Variants in NCKAP5 observed in about 807,000 individuals in gnomAD.
NCKAP5 encodes nck-associated protein 5.
NCKAP5 carries 92 observed loss-of-function variants against 167.0 expected under a neutral mutation model. The ratio of observed to expected loss-of-function variants is 0.55; its 90% CI spans 0.47 to 0.66. The LOEUF (loss-of-function observed/expected upper bound fraction) is 0.66. Among genes scored for constraint, NCKAP5 ranks in the 30% least tolerant of loss-of-function variants. The pLI, the probability that NCKAP5 is intolerant of heterozygous loss-of-function variation, is 0.00. For missense variants in NCKAP5, 2,378 were observed against 2,315.0 expected (o/e 1.03, Z -0.56); for synonymous variants, 891 against 877.4 (o/e 1.02, Z -0.27).
intron 10 of NCKAP5, among the ~76,000 whole-genome samples, chr2:132,863,091 A>G (rs1690059797): frequency 1.3e-5 from 2 of 152,114 alleles, no homozygotes; most frequent in African/African-American, 4.8e-5. Flanking sequence ...AAGTGCTGGG[A>G]TTACAGGCAT....
At chr2:132,781,691 C>A (rs1411080026) in intron 14 of NCKAP5, among the ~76,000 whole-genome samples, 2 of 152,194 alleles carry the variant, frequency 1.3e-5, no homozygotes, top group African/African-American at 2.4e-5. Flanking sequence ...CCTGATAAAA[C>A]TTACCATTCT....
intron 11 of NCKAP5, among the ~76,000 whole-genome samples, chr2:132,841,257 C>A (rs1447555): frequency 0.15 from 22,213 of 151,982 alleles, 1,879 homozygotes; most frequent in Middle Eastern, 0.28. Context: ...TACCATGTGG[C>A]TAAATTTATT....
intron 2 of NCKAP5, among the ~76,000 whole-genome samples, chr2:133,547,057 C>T (rs1686762206): frequency 6.6e-6 from 1 of 152,206 alleles, no homozygotes; most frequent in East Asian, 1.9e-4. Context: ...GAGGCATTGC[C>T]TCACTTGGGA....
At chr2:132,987,454 C>G (rs954678459) in intron 7 of NCKAP5, among the ~76,000 whole-genome samples, 1 of 152,206 alleles carries the variant, frequency 6.6e-6, no homozygotes, top group Non-Finnish European at 1.5e-5. Flanking sequence ...GGTCTCTTTC[C>G]CCATGCTTAA....
At chr2:133,618,484 A>C in the NCKAP5 span, among the ~76,000 whole-genome samples, 1 of 149,616 alleles carries the variant, frequency 6.7e-6, no homozygotes, top group Non-Finnish European at 1.5e-5. Flanking sequence ...CCCATCAAAA[A>C]GTGGGCGAAG....
At chr2:133,050,801 G>T (rs760794520) in intron 6 of NCKAP5, among the ~76,000 whole-genome samples, 1 of 152,248 alleles carries the variant, frequency 6.6e-6, no homozygotes, top group Non-Finnish European at 1.5e-5. Context: ...CTGAATAAAA[G>T]GTCACTTACT....
intron 19 of NCKAP5, among the ~76,000 whole-genome samples, chr2:132,700,604 T>C (rs976188078): frequency 2.6e-5 from 4 of 152,206 alleles, no homozygotes; most frequent in African/African-American, 7.2e-5. Context: ...TTTCTTGTTT[T>C]TGTCAGGTTT....
chr2:133,492,143 T>TTG (rs780998843), intron 3 of NCKAP5, among the ~76,000 whole-genome samples: 3 of 84,452 alleles, frequency 3.6e-5, no homozygotes, highest in African/African-American at 6.4e-5. Context: ...CATATCTAGT[T>TTG]AGTGTGTGTG....
At chr2:133,225,307 G>T (rs1401734894) in intron 4 of NCKAP5, among the ~76,000 whole-genome samples, 3 of 152,172 alleles carry the variant, frequency 2.0e-5, no homozygotes, top group Non-Finnish European at 4.4e-5. Context: ...TGGGGAAAGG[G>T]GGTGACGATA....
chr2:133,132,161 G>A (rs1248863689), intron 5 of NCKAP5, among the ~76,000 whole-genome samples: 4 of 151,796 alleles, frequency 2.6e-5, no homozygotes, highest in Non-Finnish European at 5.9e-5. Context: ...GTTGGCGGGT[G>A]CCTATAATGC....
intron 15 of NCKAP5, among the ~76,000 whole-genome samples, chr2:132,776,903 A>T (rs1448267031): frequency 6.6e-6 from 1 of 152,186 alleles, no homozygotes; most frequent in Non-Finnish European, 1.5e-5. Flanking sequence ...AATAGGCACA[A>T]GTGGGACAGT....
chr2:133,397,109 A>G (rs1222924184), intron 3 of NCKAP5, among the ~76,000 whole-genome samples: 3 of 152,200 alleles, frequency 2.0e-5, no homozygotes, highest in African/African-American at 4.8e-5. Flanking sequence ...AACATAATCA[A>G]ACTTGTTTGC....
chr2:133,562,394 CA>C (rs1479347655), intron 1 of NCKAP5, among the ~76,000 whole-genome samples: 3 of 152,282 alleles, frequency 2.0e-5, no homozygotes, highest in African/African-American at 7.2e-5. Flanking sequence ...TAAGTTGCTA[CA>C]AAACCAGTTA....
In NCKAP5 at chr2:132,782,398, T is replaced by A. The variant is rs1683114811; in HGVS notation, c.4413A>T (p.Thr1471=). ...TGCACAACATGACCTTTTCTTCGAT[T>A]GTGGGTGAGAGGGGGGCTTCTGAAC... The part of the protein sequence containing the change: ...AVSSEAPLSP[T]IEEKVMLCIQ... Residue 1471 remains threonine (T), a synonymous_variant, in exon 14 of 20, where the codon ACA becomes ACT. Coordinates refer to ENST00000409261, the MANE Select transcript of NCKAP5 (RefSeq NM_207363.3). The A allele has an allele frequency of 6.2e-7, 1 of 1,614,056 alleles. No individual in the cohort carries two copies. Among genetic ancestry groups the A allele is most frequent in the African/African-American group, 1.3e-5 (1 of 75,062 alleles).
chr2:132,970,989 G>A (rs2076816659), intron 7 of NCKAP5, among the ~76,000 whole-genome samples: 1 of 152,134 alleles, frequency 6.6e-6, no homozygotes, highest in Non-Finnish European at 1.5e-5. Context: ...ATTCCATAAG[G>A]TTATTTTGTA....
At position 132,860,594 on chromosome 2, in the gene NCKAP5, A is replaced by G; in HGVS notation, c.705T>C (p.Cys235=). 4 of 1,576,110 alleles carry G rather than the reference A, an allele frequency of 2.5e-6. No homozygotes were observed. Among genetic ancestry groups the G allele is most frequent in the Non-Finnish European group, 3.5e-6 (4 of 1,158,562 alleles). Reference sequence around the variant, plus strand: ...CAAACACTCTTGTTTTCAACTTCACACATTCCTCTCTTAGATCCTACAACA... The same window carrying G: ...CAAACACTCTTGTTTTCAACTTCACGCATTCCTCTCTTAGATCCTACAACA... ...LLTQKDLREE[C]VKLKTRVFDL... is the part of the protein sequence containing the mutation. Residue 235 remains cysteine, a synonymous_variant, in exon 11 of 20, where the codon TGT becomes TGC. Coordinates refer to ENST00000409261, the MANE Select transcript of NCKAP5 (RefSeq NM_207363.3).
At chr2:133,571,904 G>A (rs539292311), upstream of NCKAP5, among the ~76,000 whole-genome samples, 91 of 152,038 alleles carry the variant, frequency 6.0e-4, no homozygotes, top group African/African-American at 2.2e-3. Context: ...CCAGTGAGGA[G>A]GCGGAGGTTG....
intron 6 of NCKAP5, among the ~76,000 whole-genome samples, chr2:133,083,004 T>A (rs2080863300): frequency 6.6e-6 from 1 of 152,122 alleles, no homozygotes; most frequent in Non-Finnish European, 1.5e-5. Context: ...TCAGGAGAGA[T>A]GCCACAGTGA....
intron 6 of NCKAP5, among the ~76,000 whole-genome samples, chr2:133,005,833 A>G (rs1487543503): frequency 6.6e-6 from 1 of 152,220 alleles, no homozygotes; most frequent in Non-Finnish European, 1.5e-5. Flanking sequence ...AATTCTAATT[A>G]GAGGCCGTTC....
Sources: gnomAD v4.1 joint callset for allele counts (sites outside exome capture counted in the v4.1 genomes callset) on GRCh38, gnomAD v4.1.1 for gene constraint, MANE v1.5 for transcripts, NCBI Gene and HGNC (gene_info 2026-07-23, HGNC 2026-07-21) for gene names.